Variants in SPSB1 observed in about 807,000 individuals in gnomAD.
SPSB1 encodes splA/ryanodine receptor domain and SOCS box containing 1.
A neutral mutation model predicts 21.2 loss-of-function variants in SPSB1; 8 were observed. That is an observed-to-expected ratio of 0.38 (90% CI 0.22 to 0.68). The LOEUF is 0.68. Ranked by LOEUF, SPSB1 falls within the 30% of genes least tolerant of loss-of-function variation. SPSB1 has a pLI of 0.53. For missense variants in SPSB1, 242 were observed against 377.8 expected, an observed-to-expected ratio of 0.64 and a Z score of 2.98; for synonymous variants, 169 against 161.7, an observed-to-expected ratio of 1.05 and a Z score of -0.34.
rs1314479167 is a variant in SPSB1 at position 9,293,375 on chromosome 1, G to A, written c.-150+304G>A. Among the ~76,000 whole-genome samples, 1 of 151,308 alleles carries A rather than the reference G, an allele frequency of 6.6e-6. No homozygotes were observed. The highest frequency in any genetic ancestry group is 6.6e-5 in the Admixed American group (1 of 15,224). On this transcript the variant is annotated intron_variant, in intron 1 of 2. Transcript: ENST00000328089. The surrounding 1 kb of genome is among the most constrained non-coding windows in gnomAD (Gnocchi z 5.1). ...GGGCGAGGCGCGGCGGGGGTCTCGG[G>A]GCGCGGGGACCGTCGCAACGAGTTG...
At chr1:9,319,728 T>A (rs1419374012) in intron 1 of SPSB1, among the ~76,000 whole-genome samples, 2 of 151,986 alleles carry the variant, frequency 1.3e-5, no homozygotes, top group Non-Finnish European at 2.9e-5. Flanking sequence ...CCCCCAAAGG[T>A]CCGCTGTAGT....
chr1:9,333,561 C>T (rs962244647), intron 1 of SPSB1, among the ~76,000 whole-genome samples: 9 of 152,166 alleles, frequency 5.9e-5, no homozygotes, highest in Admixed American at 5.9e-4. Flanking sequence ...GAACTCTTGA[C>T]CTCAGGTGAT....
intron 1 of SPSB1, among the ~76,000 whole-genome samples, chr1:9,310,937 C>A (rs957218242): frequency 6.6e-6 from 1 of 152,136 alleles, no homozygotes; most frequent in African/African-American, 2.4e-5. Context: ...ACGTACATGT[C>A]AGGGTTCTTC....
chr1:9,310,830 T>C (rs995408385), intron 1 of SPSB1, among the ~76,000 whole-genome samples: 2 of 152,144 alleles, frequency 1.3e-5, no homozygotes, highest in African/African-American at 2.4e-5. Flanking sequence ...AAAGTGCTAA[T>C]GAGAAAGGTT....
At chr1:9,344,375 G>C (rs1481423689) in intron 1 of SPSB1, among the ~76,000 whole-genome samples, 1 of 152,192 alleles carries the variant, frequency 6.6e-6, no homozygotes, top group South Asian at 2.1e-4. Context: ...GTAAAACAGG[G>C]CCTTTCCATC....
At chr1:9,333,166 T>C (rs1351803642) in intron 1 of SPSB1, among the ~76,000 whole-genome samples, 1 of 152,194 alleles carries the variant, frequency 6.6e-6, no homozygotes, top group East Asian at 1.9e-4. Context: ...TGGTCTGCCC[T>C]GTTCAGTGTC....
In SPSB1 at chr1:9,304,457, C is replaced by T. The variant is rs115816350; in HGVS notation, c.-150+11386C>T. ...GAATCCTGGCTAATGCAGTTATGGTCGCCTTAAGAATCTGGTGGAGAGGAA... is the reference window on the plus strand; with the variant it reads ...GAATCCTGGCTAATGCAGTTATGGTTGCCTTAAGAATCTGGTGGAGAGGAA... On this transcript the variant is annotated intron_variant, in intron 1 of 2. Transcript: ENST00000328089. 3.0e-3 allele frequency among the ~76,000 whole-genome samples: 451 copies of T among 152,258 alleles called. 1 individual carries two copies. Among genetic ancestry groups the T allele is most frequent in the African/African-American group, 0.01 (434 of 41,540 alleles).
chr1:9,309,301 A>AGTGTGTGTGT (rs35952855), intron 1 of SPSB1, among the ~76,000 whole-genome samples: 163 of 133,212 alleles, frequency 1.2e-3, no homozygotes, highest in African/African-American at 4.6e-3. Flanking sequence ...AGAGAGAGAG[A>AGTGTGTGTGT]GTGTGTGTGT....
chr1:9,312,795 G>A (rs1010240438), intron 1 of SPSB1, among the ~76,000 whole-genome samples: 4 of 152,178 alleles, frequency 2.6e-5, no homozygotes, highest in South Asian at 4.2e-4. Flanking sequence ...TGCAAGTGGC[G>A]CAGTTTTGGA....
At chr1:9,316,598 G>A (rs1173779772) in intron 1 of SPSB1, among the ~76,000 whole-genome samples, 1 of 152,134 alleles carries the variant, frequency 6.6e-6, no homozygotes, top group East Asian at 1.9e-4. Flanking sequence ...TGCCATTTAC[G>A]AAAGGCTGGG....
rs111816134 is a variant in SPSB1 at position 9,342,704 on chromosome 1, C to T, written c.-149-13039C>T. Reference sequence around the variant, plus strand: ...GGCCCAGGGGTCTGGGGCACACATCCGAGATGCAGGCACACATCCCGGACT... The same window carrying T: ...GGCCCAGGGGTCTGGGGCACACATCTGAGATGCAGGCACACATCCCGGACT... On this transcript the variant is annotated intron_variant, in intron 1 of 2. Coordinates refer to ENST00000328089, the MANE Select transcript of SPSB1 (RefSeq NM_025106.4). Among the ~76,000 whole-genome samples the T allele has an allele frequency of 1.3e-3, 203 of 152,308 alleles. 1 individual carries two copies. Among genetic ancestry groups the T allele is most frequent in the South Asian group, 2.3e-3 (11 of 4,822 alleles).
chr1:9,323,680 C>T (rs921334237), intron 1 of SPSB1, among the ~76,000 whole-genome samples: 1 of 152,356 alleles, frequency 6.6e-6, no homozygotes, highest in South Asian at 2.1e-4. Context: ...CGTCTCCAGG[C>T]ACCGAGAGCC....
At chr1:9,294,103 T>TGTGA (rs59559927) in intron 1 of SPSB1, among the ~76,000 whole-genome samples, 113,325 of 149,954 alleles carry the variant, frequency 0.76, 42,860 homozygotes, top group South Asian at 0.78. Context: ...TGTGTGTCTT[T>TGTGA]GTGTGTGTCT....
chr1:9,317,837 ATTTT>A lies in SPSB1; in HGVS notation c.-150+24782_-150+24785del, dbSNP rs34392416. Among the ~76,000 whole-genome samples, 22 of 134,698 alleles carry A rather than the reference ATTTT, an allele frequency of 1.6e-4. No individual in the cohort carries two copies. Among genetic ancestry groups the A allele is most frequent in the African/African-American group, 3.1e-4 (11 of 35,036 alleles). The allele number at this position is 134,698 out of a possible 152,430, so 88.4% of individuals were successfully genotyped here. On this transcript the variant is annotated intron_variant, in intron 1 of 2. Coordinates refer to ENST00000328089, the MANE Select transcript of SPSB1 (RefSeq NM_025106.4). This position sits in a 1 kb window ranked among gnomAD's most constrained non-coding sequence, Gnocchi z 4.3. ...GTGATTTCCGGTGGCGAGGGAACCA[ATTTT>A]TTTTTTTTTTTTTTTGAGACCCTGC...
chr1:9,308,006 G>T (rs969957286), intron 1 of SPSB1, among the ~76,000 whole-genome samples: 4 of 152,144 alleles, frequency 2.6e-5, no homozygotes, highest in African/African-American at 9.7e-5. Context: ...CCTCCTGGGG[G>T]GCAGGAGCTG....
In SPSB1 at chr1:9,317,152, A is replaced by G. The variant is rs371674641; in HGVS notation, c.-150+24081A>G. On this transcript the variant is annotated intron_variant, in intron 1 of 2. Transcript: ENST00000328089. The surrounding 1 kb of genome is among the most constrained non-coding windows in gnomAD (Gnocchi z 4.3). ...AGGGTGAGAAAGGTGCTTAGAGGCC[A>G]GCAAGGTTCTGGCCTTGGGGATCAG... Among the ~76,000 whole-genome samples the G allele has an allele frequency of 6.6e-6, 1 of 152,210 alleles. No individual in the cohort carries two copies. Among genetic ancestry groups the G allele is most frequent in the Non-Finnish European group, 1.5e-5 (1 of 68,032 alleles).
intron 1 of SPSB1, among the ~76,000 whole-genome samples, chr1:9,303,829 A>T (rs1357182911): frequency 6.6e-6 from 1 of 152,232 alleles, no homozygotes; most frequent in Admixed American, 6.5e-5. Context: ...TTGATTTCAG[A>T]TGTCAACTTG....
intron 1 of SPSB1, among the ~76,000 whole-genome samples, chr1:9,299,426 C>T (rs1044005593): frequency 6.6e-6 from 1 of 152,202 alleles, no homozygotes; most frequent in Non-Finnish European, 1.5e-5. Context: ...ATCGCTTGAA[C>T]TTAGGAGTTT....
chr1:9,357,220 A>AATGG (rs143971636), intron 2 of SPSB1, among the ~76,000 whole-genome samples: 32,153 of 147,830 alleles, frequency 0.22, 3,563 homozygotes, highest in East Asian at 0.35. Context: ...TCAGTGAATG[A>AATGG]ATGGATGGAT....
Sources: allele counts gnomAD v4.1 joint callset (sites outside exome capture counted in the v4.1 genomes callset), GRCh38; gene constraint gnomAD v4.1.1; non-coding constraint Gnocchi (gnomAD v3.1); transcripts MANE v1.5; gene names NCBI Gene and HGNC (gene_info 2026-07-23, HGNC 2026-07-21).